The following PARP8 variants were observed in gnomAD, a reference collection of about 807,000 sequenced individuals.
PARP8 encodes the protein poly(ADP-ribose) polymerase family member 8.
PARP8 carries 51 observed loss-of-function variants against 124.1 expected under a neutral mutation model. The observed-to-expected ratio is 0.41, with a 90% CI of 0.33 to 0.52. PARP8 has a LOEUF of 0.52. Among genes scored for constraint, PARP8 ranks in the 20% least tolerant of loss-of-function variants. PARP8 has a pLI of 0.21. For synonymous variants in PARP8, 391 were observed against 361.5 expected, an observed-to-expected ratio of 1.08 and a Z score of -0.93; for missense variants, 860 against 1,018.9, an observed-to-expected ratio of 0.84 and a Z score of 2.12.
At chr5:50,815,812 C>T (rs979579430) in intron 15 of PARP8, among the ~76,000 whole-genome samples, 16 of 152,040 alleles carry the variant, frequency 1.1e-4, no homozygotes, top group African/African-American at 3.4e-4. Flanking sequence ...TTGAAACCCT[C>T]GTGCATGCTT....
At chr5:50,756,186 T>C (rs762155948) in intron 3 of PARP8, among the ~76,000 whole-genome samples, 13 of 151,930 alleles carry the variant, frequency 8.6e-5, no homozygotes, top group African/African-American at 1.5e-4. Context: ...TTTCTCCTGC[T>C]TGATTGCCCT....
At chr5:50,807,836 T>C (rs564134926) in intron 14 of PARP8, among the ~76,000 whole-genome samples, 6 of 152,222 alleles carry the variant, frequency 3.9e-5, no homozygotes, top group African/African-American at 1.2e-4. Flanking sequence ...AATTATGATC[T>C]CATTCTCTTC....
chr5:50,734,709 T>G (rs965645384), intron 2 of PARP8, among the ~76,000 whole-genome samples: 3 of 152,126 alleles, frequency 2.0e-5, no homozygotes, highest in Non-Finnish European at 4.4e-5. Flanking sequence ...TGCTGTCTGC[T>G]TTTCCCCCAA....
chr5:50,747,163 G>GTTTTTTTTTTTTTTTT (rs1211253892), intron 2 of PARP8, among the ~76,000 whole-genome samples: 4 of 95,504 alleles, frequency 4.2e-5, no homozygotes, highest in Non-Finnish European at 6.1e-5. Context: ...TGTTTGTTTT[G>GTTTTTTTTTTTTTTTT]TTTTTTTTTT....
intron 7 of PARP8, among the ~76,000 whole-genome samples, chr5:50,772,181 T>C (rs1761691824): frequency 1.3e-5 from 2 of 152,232 alleles, no homozygotes; most frequent in South Asian, 2.1e-4. Flanking sequence ...TGACAGGATT[T>C]CCTTCATTTT....
At chr5:50,785,944 C>T (rs1280427845) in intron 9 of PARP8, among the ~76,000 whole-genome samples, 1 of 152,134 alleles carries the variant, frequency 6.6e-6, no homozygotes, top group African/African-American at 2.4e-5. Context: ...TTCGCTTTCA[C>T]CTAATTAGGA....
chr5:50,748,647 A>G (rs1049322601), intron 2 of PARP8, among the ~76,000 whole-genome samples: 4 of 152,008 alleles, frequency 2.6e-5, no homozygotes, highest in African/African-American at 9.7e-5. Flanking sequence ...CTGAATAGAG[A>G]ATTCTGGCTG....
intron 7 of PARP8, among the ~76,000 whole-genome samples, chr5:50,776,521 C>G (rs1309874596): frequency 6.6e-6 from 1 of 152,092 alleles, no homozygotes; most frequent in Non-Finnish European, 1.5e-5. Context: ...CTATGCAAAT[C>G]ATTTTTATCC....
intron 9 of PARP8, among the ~76,000 whole-genome samples, chr5:50,787,492 C>T (rs1376058576): frequency 6.6e-6 from 1 of 152,184 alleles, no homozygotes; most frequent in Non-Finnish European, 1.5e-5. Flanking sequence ...CCCACATAGC[C>T]TGCAGCCCAT....
At chr5:50,815,559 G>A (rs1357338193) in intron 15 of PARP8, 35 bp downstream of exon 15, 2 of 1,498,396 alleles carry the variant, frequency 1.3e-6, no homozygotes, top group South Asian at 1.3e-5. Context: ...TTCTTATTTT[G>A]CTTTGAAAAA....
intron 2 of PARP8, among the ~76,000 whole-genome samples, chr5:50,672,277 C>T (rs1750116280): frequency 6.6e-6 from 1 of 152,208 alleles, no homozygotes; most frequent in African/African-American, 2.4e-5. Context: ...CTGTGAGCCT[C>T]TTGGAGATGG....
At chr5:50,827,407 A>G (rs149417231) in intron 19 of PARP8, among the ~76,000 whole-genome samples, 1 of 152,238 alleles carries the variant, frequency 6.6e-6, no homozygotes, top group African/African-American at 2.4e-5. Context: ...TATTAATCCA[A>G]AAGATTCTGC....
At chr5:50,734,514 A>G (rs545828032) in intron 2 of PARP8, among the ~76,000 whole-genome samples, 2 of 152,324 alleles carry the variant, frequency 1.3e-5, no homozygotes, top group Admixed American at 6.5e-5. Context: ...TGGAAAAGAC[A>G]TAATCATTCA....
chr5:50,750,173 T>G lies in PARP8; in HGVS notation c.169T>G (p.Ser57Ala). The part of the protein sequence containing the change: ...PRSVSYSVHV[S>A]EDYPDNTYVS... ...CAGTGTATCCTACTCAGTACATGTA[T>G]CTGAAGATTACCCAGGTATGCTTTT... The change falls in exon 3 of 26, where the codon TCT becomes GCT. Residue 57 changes from serine (S) to alanine (A), a missense_variant. Physicochemically the swap from Ser to Ala is moderately conservative, Grantham distance 99. Transcript: ENST00000281631. 6.3e-7 allele frequency: 1 copy of G among 1,591,420 alleles called. No homozygotes were observed. The highest frequency in any genetic ancestry group is 8.6e-7 in the Non-Finnish European group (1 of 1,160,456).
At chr5:50,729,976 A>C (rs1444340758) in intron 2 of PARP8, among the ~76,000 whole-genome samples, 3 of 152,234 alleles carry the variant, frequency 2.0e-5, no homozygotes, top group Non-Finnish European at 4.4e-5. Flanking sequence ...TGAGAATGCA[A>C]GCATTGTCAA....
chr5:50,835,042 A>G (rs764436031), intron 25 of PARP8, 27 bp downstream of exon 25: 4 of 1,593,030 alleles, frequency 2.5e-6, no homozygotes, highest in South Asian at 1.1e-5. Context: ...AAATTTGTAT[A>G]TTACTGTCTT....
intron 9 of PARP8, among the ~76,000 whole-genome samples, chr5:50,781,770 T>A (rs1740700269): frequency 6.6e-6 from 1 of 152,218 alleles, no homozygotes; most frequent in Non-Finnish European, 1.5e-5. Flanking sequence ...GAAGGTACAG[T>A]GGCCTAGCTA....
intron 1 of PARP8, chr5:50,667,522 G>A (rs1321774482): frequency 7.1e-6 from 5 of 700,040 alleles, no homozygotes; most frequent in Admixed American, 2.0e-5. Flanking sequence ...TTCCAGCAGC[G>A]GCGGCAGAGC....
chr5:50,822,511 G>T (rs183768052), intron 17 of PARP8, 111 bp downstream of exon 17: 4 of 806,024 alleles, frequency 5.0e-6, no homozygotes, highest in Non-Finnish European at 8.1e-6. Flanking sequence ...AAATTTGTGC[G>T]GTATTAAGAT....
Sources: gnomAD v4.1 joint callset for allele counts (sites outside exome capture counted in the v4.1 genomes callset) on GRCh38, gnomAD v4.1.1 for gene constraint, MANE v1.5 for transcripts, NCBI Gene and HGNC (gene_info 2026-07-23, HGNC 2026-07-21) for gene names.